The following RIPK2 variants were observed in gnomAD, a reference collection of about 807,000 sequenced individuals.
RIPK2 encodes the protein receptor-interacting serine/threonine-protein kinase 2.
In RIPK2, 38 loss-of-function variants were observed where a neutral mutation model predicts 60.9. That is an observed-to-expected ratio of 0.62 (90% CI 0.48 to 0.82). The LOEUF is 0.82. RIPK2 is among the 40% of genes least tolerant of loss of function. The pLI is 0.00. For synonymous variants in RIPK2, 225 were observed against 223.4 expected (o/e 1.01, Z -0.06); for missense variants, 518 against 647.0 (o/e 0.80, Z 2.16).
At chr8:89,788,221 TAATCCC>T (rs1222733326) in intron 9 of RIPK2, among the ~76,000 whole-genome samples, 6 of 151,848 alleles carry the variant, frequency 4.0e-5, no homozygotes, top group African/African-American at 1.5e-4. Context: ...TGCACACCTG[TAATCCC>T]AGCTCCTCAG....
intron 4 of RIPK2, among the ~76,000 whole-genome samples, chr8:89,771,215 T>A (rs916451385): frequency 2.6e-5 from 4 of 151,898 alleles, no homozygotes; most frequent in East Asian, 1.9e-4. Context: ...CCATTTTGAA[T>A]GCATGGTTAA....
chr8:89,786,569 C>T (rs201250830), intron 8 of RIPK2, 24 bp from the exon 9 acceptor site: 16 of 1,232,466 alleles, frequency 1.3e-5, no homozygotes, highest in Non-Finnish European at 1.9e-5. Context: ...TTAACCTAAA[C>T]CCTTTATTTT....
At chr8:89,786,549 AT>A (rs772207077) in intron 8 of RIPK2, 43 bp from the exon 9 acceptor site, 1 of 1,057,330 alleles carries the variant, frequency 9.5e-7, no homozygotes, top group Non-Finnish European at 1.4e-6. Flanking sequence ...TTAAAGCTCG[AT>A]AATTTTTATT....
At chr8:89,765,260 T>C (rs1809208000) in intron 2 of RIPK2, 81 bp from the exon 3 acceptor site, 6 of 959,108 alleles carry the variant, frequency 6.3e-6, no homozygotes, top group Non-Finnish European at 7.9e-6. Context: ...TATTTCCTCA[T>C]GGAATATTTA....
chr8:89,765,550 A>G (rs1809213344), intron 3 of RIPK2, 54 bp downstream of exon 3: 1 of 1,246,654 alleles, frequency 8.0e-7, no homozygotes, highest in African/African-American at 1.5e-5. Context: ...TTTTAAAAAT[A>G]CTTTTTAGTT....
intron 9 of RIPK2, among the ~76,000 whole-genome samples, chr8:89,787,953 T>C (rs1470242562): frequency 1.3e-5 from 2 of 152,164 alleles, no homozygotes; most frequent in Non-Finnish European, 2.9e-5. Flanking sequence ...TTTGTAACTT[T>C]TCACTTAGAG....
At chr8:89,785,577 A>G (rs1218888907) in intron 8 of RIPK2, among the ~76,000 whole-genome samples, 1 of 152,254 alleles carries the variant, frequency 6.6e-6, no homozygotes, top group Admixed American at 6.5e-5. Context: ...ACCCCAAGAT[A>G]TCTCGTTATA....
At chr8:89,769,267 T>C (rs1204401340) in intron 3 of RIPK2, among the ~76,000 whole-genome samples, 1 of 151,886 alleles carries the variant, frequency 6.6e-6, no homozygotes, top group Non-Finnish European at 1.5e-5. Flanking sequence ...AATAATTACC[T>C]TTACAATTTT....
intron 1 of RIPK2, among the ~76,000 whole-genome samples, chr8:89,760,514 CCACT>C (rs967419100): frequency 6.6e-6 from 1 of 151,984 alleles, no homozygotes; most frequent in African/African-American, 2.4e-5. Context: ...AAAAAATTTC[CCACT>C]CACTCAATCT....
chr8:89,763,018 A>AT (rs745764372), intron 2 of RIPK2, 36 bp downstream of exon 2: 2 of 1,260,400 alleles, frequency 1.6e-6, no homozygotes, highest in South Asian at 5.0e-5. Flanking sequence ...CATAATTGCC[A>AT]TTTTTACTAT....
chr8:89,770,993 C>T lies in RIPK2; in HGVS notation c.642-748C>T, dbSNP rs192959262. Among the ~76,000 whole-genome samples, 189 of 151,794 alleles carry T rather than the reference C, an allele frequency of 1.2e-3. 1 individual carries two copies. The highest frequency in any genetic ancestry group is 4.5e-3 in the African/African-American group (186 of 41,478). On this transcript the variant is annotated intron_variant, in intron 4 of 10. Coordinates refer to ENST00000220751, the MANE Select transcript of RIPK2 (RefSeq NM_003821.6). ...TCCTAAGGTAGAGATCATGTTCTAC[C>T]CAACAATTCTTAAAGCTGGTTTGAT...
At chr8:89,761,313 A>T (rs774337273) in intron 1 of RIPK2, among the ~76,000 whole-genome samples, 13 of 152,012 alleles carry the variant, frequency 8.6e-5, no homozygotes, top group Non-Finnish European at 1.0e-4. Flanking sequence ...TATTTCTGTC[A>T]TTGCTGCAGC....
At chr8:89,783,909 A>G (rs987851848) in intron 7 of RIPK2, 141 bp from the exon 8 acceptor site, 13 of 472,688 alleles carry the variant, frequency 2.8e-5, no homozygotes, top group Non-Finnish European at 4.8e-5. Flanking sequence ...TCCTTCAGTT[A>G]TATGTTATAT....
chr8:89,786,239 C>T (rs1205175977), intron 8 of RIPK2, among the ~76,000 whole-genome samples: 1 of 152,020 alleles, frequency 6.6e-6, no homozygotes, highest in Admixed American at 6.6e-5. Flanking sequence ...TTTGTGTGGC[C>T]AAGGCTGGTG....
chr8:89,759,582 C>G (rs6998044), intron 1 of RIPK2: 11,269 of 368,482 alleles, frequency 0.031, 914 homozygotes, highest in African/African-American at 0.19. Context: ...AGATTTGGGA[C>G]ACTTCTAGAG....
chr8:89,771,740 G>A lies in RIPK2; in HGVS notation c.642-1G>A. On this transcript the variant is annotated splice_acceptor_variant, in intron 4 of 10. Coordinates refer to ENST00000220751, the MANE Select transcript of RIPK2 (RefSeq NM_003821.6). LOFTEE classifies it high-confidence loss of function. ...AACATGTATGTTCTTATGTTAAACA[G>A]CTATGCAGTTATCACATGGGAAGTG... is the stretch of plus-strand genomic sequence containing the variant. 1 of 1,599,990 alleles carries A rather than the reference G, an allele frequency of 6.3e-7. No homozygotes were observed.
chr8:89,779,233 CT>C (rs139286747), intron 6 of RIPK2, among the ~76,000 whole-genome samples: 1 of 145,610 alleles, frequency 6.9e-6, no homozygotes, highest in African/African-American at 2.5e-5. Context: ...TGCAGCTTAT[CT>C]TATTTTTTCT....
intron 1 of RIPK2, among the ~76,000 whole-genome samples, chr8:89,758,921 G>C (rs1280250238): frequency 6.6e-6 from 1 of 152,108 alleles, no homozygotes; most frequent in Non-Finnish European, 1.5e-5. Context: ...TAAATTGTAT[G>C]TGGTGGTGTT....
chr8:89,790,489 A>G lies in RIPK2; in HGVS notation c.*73A>G. On this transcript the variant is annotated 3_prime_UTR_variant, in exon 11 of 11. Coordinates refer to ENST00000220751, the MANE Select transcript of RIPK2 (RefSeq NM_003821.6). Reference sequence around the variant, plus strand: ...TCTCTGTTGCTTTGACTTTTTTTATATAAAATCCGTGAGTATTAAAGCTTT... The same window carrying G: ...TCTCTGTTGCTTTGACTTTTTTTATGTAAAATCCGTGAGTATTAAAGCTTT... 3 of 1,126,608 alleles carry G rather than the reference A, an allele frequency of 2.7e-6. No homozygotes were observed. Among genetic ancestry groups the G allele is most frequent in the Non-Finnish European group, 3.7e-6 (3 of 805,404 alleles). The allele number at this position is 1,126,608 out of a possible 1,614,324, so 69.8% of individuals were successfully genotyped here.
Sources: allele counts gnomAD v4.1 joint callset (sites outside exome capture counted in the v4.1 genomes callset), GRCh38; gene constraint gnomAD v4.1.1; transcripts MANE v1.5; gene names NCBI Gene and HGNC (gene_info 2026-07-23, HGNC 2026-07-21).